The following NUTM2G variants were observed in gnomAD, a reference collection of about 807,000 sequenced individuals.
The protein encoded by NUTM2G is family with sequence similarity 22, member G.
In NUTM2G, 29 loss-of-function variants were observed where a neutral mutation model predicts 44.3. The observed-to-expected ratio is 0.66, with a 90% CI of 0.49 to 0.89. NUTM2G has a LOEUF of 0.89. Ranked by LOEUF, NUTM2G falls within the 40% of genes least tolerant of loss-of-function variation. The pLI is 0.00. For missense variants in NUTM2G, 502 were observed against 946.5 expected (o/e 0.53, Z 6.16); for synonymous variants, 205 against 395.9 (o/e 0.52, Z 5.72).
chr9:96,935,884 C>T (rs1011274960), intron 3 of NUTM2G, among the ~76,000 whole-genome samples: 8 of 151,916 alleles, frequency 5.3e-5, no homozygotes, highest in Non-Finnish European at 1.0e-4. Flanking sequence ...AGACCTGTAC[C>T]TGGGACACCA....
chr9:96,931,964 A>G lies in NUTM2G; in HGVS notation c.259A>G (p.Thr87Ala), dbSNP rs1293566676. 16 of 1,611,598 alleles carry G rather than the reference A, an allele frequency of 9.9e-6. No individual in the cohort carries two copies. Among genetic ancestry groups the G allele is most frequent in the Non-Finnish European group, 1.4e-5 (16 of 1,179,814 alleles). The change falls in exon 2 of 7, where the codon ACA becomes GCA. Residue 87 changes from threonine to alanine, a missense_variant. By Grantham distance (58) the Thr-to-Ala change is moderately conservative. Transcript: ENST00000372322. The stretch of plus-strand genomic sequence containing the variant: ...TTCCAACGTCTTTGTCCAGATGAGG[A>G]CAGAAGTGGGGCCTGTGAAGCCCCC... ...GASNVFVQMRTEVGPVKPPQA... is the reference protein window; with the variant it reads ...GASNVFVQMRAEVGPVKPPQA...
chr9:96,929,651 CTTTGA>C (rs1216114119), intron 1 of NUTM2G, among the ~76,000 whole-genome samples: 19 of 151,106 alleles, frequency 1.3e-4, no homozygotes, highest in South Asian at 8.4e-4. Flanking sequence ...TAGCTGTTGG[CTTTGA>C]TTTAACAGGG....
chr9:96,933,875 C>G (rs545026543), intron 2 of NUTM2G: 1 of 152,062 alleles, frequency 6.6e-6, no homozygotes, highest in East Asian at 1.9e-4. Context: ...GCACTAGGGT[C>G]GATGCTGGGC....
At chr9:96,940,148 C>G (rs1320061900), downstream of NUTM2G, 2 of 137,812 alleles carry the variant, frequency 1.5e-5, no homozygotes, top group African/African-American at 5.7e-5. Context: ...GCCTGCCAGG[C>G]GCAAGGTGGG....
intron 4 of NUTM2G, 53 bp downstream of exon 4, chr9:96,936,617 G>C (rs1826441283): frequency 2.6e-6 from 4 of 1,531,828 alleles, no homozygotes; most frequent in Non-Finnish European, 3.5e-6. Context: ...AAGGGGCCAA[G>C]GGAGGCCACT....
At chr9:96,937,008 G>C (rs1333133269) in intron 4 of NUTM2G, 56 bp from the exon 5 acceptor site, 1 of 1,454,380 alleles carries the variant, frequency 6.9e-7, no homozygotes. Flanking sequence ...CCCCTGTGTG[G>C]TGCAGGCAGG....
chr9:96,937,244 A>AG lies in NUTM2G; in HGVS notation c.1165dup (p.Glu389GlyfsTer14), dbSNP rs1826463204. The AG allele has an allele frequency of 6.2e-7, 1 of 1,613,202 alleles. No homozygotes were observed. The highest frequency in any genetic ancestry group is 1.7e-5 in the Admixed American group (1 of 59,982). Reference sequence around the variant, plus strand: ...GTGCAGGAGTATGTGGACATCATGGAGGAGCTGCTGGGGTCTCACCCTGGG... The same window carrying AG: ...GTGCAGGAGTATGTGGACATCATGGAGGGAGCTGCTGGGGTCTCACCCTGGG... On this transcript the variant is annotated frameshift_variant, in exon 5 of 7. Transcript: ENST00000372322. LOFTEE classifies it high-confidence loss of function.
Position 96,931,856 on chromosome 9 carries a change from G to C in NUTM2G, c.151G>C (p.Ala51Pro). The C allele has an allele frequency of 1.2e-6, 2 of 1,612,444 alleles. No individual in the cohort carries two copies. Among genetic ancestry groups the C allele is most frequent in the Non-Finnish European group, 1.7e-6 (2 of 1,179,850 alleles). The change falls in exon 2 of 7, where the codon GCC becomes CCC. Residue 51 changes from alanine (A) to proline (P), a missense_variant. Physicochemically the swap from Ala to Pro is conservative, Grantham distance 27 (BLOSUM62 -1). Transcript: ENST00000372322. ...PPLVTAVVPP[A>P]GPLVLSAFPS... ...CCTCGTGACTGCAGTGGTTCCTCCA[G>C]CCGGCCCTCTGGTGCTCTCTGCCTT...
At chr9:96,932,692 G>A (rs564654372) in intron 2 of NUTM2G, among the ~76,000 whole-genome samples, 3 of 139,954 alleles carry the variant, frequency 2.1e-5, no homozygotes, top group South Asian at 4.5e-4. Flanking sequence ...CACTCTTGTT[G>A]CCCAGGCTGG....
At position 96,934,347 on chromosome 9, in the gene NUTM2G, G is replaced by T. The variant is rs538476463; in HGVS notation, c.714-981G>T. ...CCTAGGGGAGTCCCCTGCCTGGGGT[G>T]TAGGTGAAGGCGGTCCCGTCTTCCT... On this transcript the variant is annotated intron_variant, in intron 2 of 6. Coordinates refer to ENST00000372322, the MANE Select transcript of NUTM2G (RefSeq NM_001170741.3). 2.6e-5 allele frequency among the ~76,000 whole-genome samples: 4 copies of T among 152,356 alleles called. No individual in the cohort carries two copies. In the East Asian group the frequency reaches 7.7e-4, roughly 29 times the overall value.
intron 1 of NUTM2G, among the ~76,000 whole-genome samples, chr9:96,930,880 T>G (rs866594309): frequency 0.022 from 1,410 of 63,622 alleles, 2 homozygotes; most frequent in South Asian, 0.045. Context: ...TGGTTTTTTT[T>G]TTTTTTTTTT....
At chr9:96,935,874 A>G (rs1250082037) in intron 3 of NUTM2G, among the ~76,000 whole-genome samples, 1 of 151,734 alleles carries the variant, frequency 6.6e-6, no homozygotes, top group African/African-American at 2.4e-5. Flanking sequence ...GGGTCAGGGG[A>G]GACCTGTACC....
chr9:96,931,679 C>T, intron 1 of NUTM2G, 43 bp from the exon 2 acceptor site: 2 of 1,607,776 alleles, frequency 1.2e-6, no homozygotes, highest in Non-Finnish European at 1.7e-6. Context: ...TAGAGTGGAC[C>T]TGGAGACGCC....
chr9:96,938,609 G>A lies in NUTM2G; in HGVS notation c.1686G>A (p.Val562=), dbSNP rs768309448. 4 of 1,605,500 alleles carry A rather than the reference G, an allele frequency of 2.5e-6. No homozygotes were observed. Among genetic ancestry groups the A allele is most frequent in the Admixed American group, 3.3e-5 (2 of 59,894 alleles). ...TGMARSEDPA[V]LLGCQDSPRL... ...TGGCCAGGTCCGAAGACCCTGCTGT[G>A]CTTTTGGGATGTCAGGACTCCCCCA... Residue 562 remains valine (V), a synonymous_variant, in exon 7 of 7, where the codon GTG becomes GTA. Transcript: ENST00000372322.
rs776042760 is a variant in NUTM2G at position 96,937,137 on chromosome 9, G to A, written c.1056G>A (p.Ala352=). The A allele has an allele frequency of 1.1e-4, 181 of 1,611,624 alleles. No homozygotes were observed. Among genetic ancestry groups the A allele is most frequent in the Non-Finnish European group, 1.3e-4 (154 of 1,179,710 alleles). The change falls in exon 5 of 7, where the codon GCG becomes GCA. Residue 352 remains alanine (A), a synonymous_variant. Coordinates refer to ENST00000372322, the MANE Select transcript of NUTM2G (RefSeq NM_001170741.3). The part of the protein sequence containing the change: ...CLPPPRPQRP[A]ETKAHLPPPR... Reference sequence around the variant, plus strand: ...CACCACCCAGGCCCCAGAGGCCAGCGGAGACCAAGGCCCACCTGCCACCAC... The same window carrying A: ...CACCACCCAGGCCCCAGAGGCCAGCAGAGACCAAGGCCCACCTGCCACCAC...
intron 1 of NUTM2G, among the ~76,000 whole-genome samples, chr9:96,931,309 C>CGGCATTCAG (rs1826237695): frequency 6.6e-6 from 1 of 151,380 alleles, no homozygotes; most frequent in Admixed American, 6.6e-5. Context: ...GGTTTCCTGT[C>CGGCATTCAG]GGCCTTCTGA....
intron 1 of NUTM2G, among the ~76,000 whole-genome samples, chr9:96,929,248 G>C (rs576823360): frequency 1.1e-4 from 17 of 152,224 alleles, no homozygotes; most frequent in African/African-American, 4.1e-4. Flanking sequence ...CAAGATGCCT[G>C]GGGGAATACA....
intron 2 of NUTM2G, 63 bp from the exon 3 acceptor site, chr9:96,935,265 G>A: frequency 6.2e-6 from 10 of 1,608,244 alleles, no homozygotes; most frequent in Non-Finnish European, 8.5e-6. Context: ...CAGGTGTTGG[G>A]ACCAGGTGGG....
At chr9:96,929,395 G>C (rs1211441531) in intron 1 of NUTM2G, among the ~76,000 whole-genome samples, 2 of 151,806 alleles carry the variant, frequency 1.3e-5, no homozygotes, top group Non-Finnish European at 1.5e-5. Flanking sequence ...CCTGAGCCCT[G>C]TGCCGTGTCT....
Sources: allele counts gnomAD v4.1 joint callset (sites outside exome capture counted in the v4.1 genomes callset), GRCh38; gene constraint gnomAD v4.1.1; transcripts MANE v1.5; gene names NCBI Gene and HGNC (gene_info 2026-07-23, HGNC 2026-07-21).